The following GALNT2 variants were observed in gnomAD, a reference collection of about 807,000 sequenced individuals.
The protein encoded by GALNT2 is UDP-GalNAc:polypeptide N-acetylgalactosaminyltransferase 2.
Under a neutral mutation model 81.4 loss-of-function variants are expected in GALNT2, and 31 were observed. The ratio of observed to expected loss-of-function variants is 0.38; its 90% confidence interval spans 0.29 to 0.51. The LOEUF is 0.51. Among genes scored for constraint, GALNT2 ranks in the 20% least tolerant of loss-of-function variants. The pLI, the probability that GALNT2 is intolerant of heterozygous loss-of-function variation, is 0.87. For missense variants in GALNT2, 629 were observed against 765.7 expected, an observed-to-expected ratio of 0.82 and a Z score of 2.11; for synonymous variants, 303 against 287.4, an observed-to-expected ratio of 1.05 and a Z score of -0.55.
At position 230,250,451 on chromosome 1, in the gene GALNT2, C is replaced by G; in HGVS notation, c.906-6C>G. 3 of 1,612,828 alleles carry G rather than the reference C, an allele frequency of 1.9e-6. No homozygotes were observed. The highest frequency in any genetic ancestry group is 1.1e-5 in the South Asian group (1 of 90,950). On this transcript the variant is annotated splice_region_variant and splice_polypyrimidine_tract_variant and intron_variant, in intron 9 of 15. Transcript: ENST00000366672. Reference sequence around the variant, plus strand: ...TCCCTCCCCCCTCTTCTTTCTGCCTCTTTAGAACCCCCATGATTGCTGGTG... The same window carrying G: ...TCCCTCCCCCCTCTTCTTTCTGCCTGTTTAGAACCCCCATGATTGCTGGTG...
At chr1:230,174,171 A>G (rs76787671) in intron 1 of GALNT2, among the ~76,000 whole-genome samples, 3,315 of 152,280 alleles carry the variant, frequency 0.022, 120 homozygotes, top group African/African-American at 0.076. Context: ...ATCTTAGAGA[A>G]GTTAGACTCC....
At chr1:230,132,092 T>C (rs1661386340) in intron 1 of GALNT2, among the ~76,000 whole-genome samples, 1 of 152,200 alleles carries the variant, frequency 6.6e-6, no homozygotes, top group South Asian at 2.1e-4. Flanking sequence ...TCTTCTCTCT[T>C]CTTCCCCATG....
chr1:230,198,237 C>T (rs1261019679), intron 2 of GALNT2, among the ~76,000 whole-genome samples: 3 of 152,180 alleles, frequency 2.0e-5, no homozygotes, highest in African/African-American at 2.4e-5. Flanking sequence ...GCGGGCGAGG[C>T]TGAGTCTGTG....
At chr1:230,192,681 T>A (rs1159174178) in intron 2 of GALNT2, among the ~76,000 whole-genome samples, 1 of 152,262 alleles carries the variant, frequency 6.6e-6, no homozygotes, top group Non-Finnish European at 1.5e-5. Flanking sequence ...TATTTTTAGT[T>A]GTTTTGATAG....
At chr1:230,115,460 G>A (rs1054607890) in intron 1 of GALNT2, among the ~76,000 whole-genome samples, 4 of 152,200 alleles carry the variant, frequency 2.6e-5, no homozygotes, top group Admixed American at 2.6e-4. Context: ...CTGTATTGCC[G>A]TCTGTGAATA....
In GALNT2 at chr1:230,236,033, C is replaced by T. The variant is rs34322892; in HGVS notation, c.394C>T (p.Arg132Trp). 3.7e-5 allele frequency: 59 copies of T among 1,613,516 alleles called. No homozygotes were observed. The Middle Eastern group carries it at 5.0e-4, about 14-fold the overall frequency. The part of the protein sequence containing the change: ...RHDQCQRKQW[R>W]VDLPATSVVI... ...CTGCAGGTGTCAGCGGAAGCAGTGG[C>T]GGGTGGATCTGCCGGCCACCAGCGT... Residue 132 changes from arginine to tryptophan, a missense_variant, in exon 4 of 16, where the codon CGG becomes TGG. Coordinates refer to ENST00000366672, the MANE Select transcript of GALNT2 (RefSeq NM_004481.5).
intron 11 of GALNT2, 43 bp downstream of exon 11, chr1:230,255,387 T>C: frequency 4.3e-6 from 7 of 1,613,002 alleles, no homozygotes; most frequent in Non-Finnish European, 5.9e-6. Flanking sequence ...CATTGATGAC[T>C]ACCCTGAAAG....
intron 3 of GALNT2, among the ~76,000 whole-genome samples, chr1:230,235,338 T>A (rs1479263387): frequency 1.3e-5 from 2 of 151,518 alleles, no homozygotes; most frequent in Admixed American, 6.6e-5. Flanking sequence ...GGCCTCTGAA[T>A]CAGCTTCTGT....
At chr1:230,080,470 G>A (rs1659693586) in intron 1 of GALNT2, among the ~76,000 whole-genome samples, 1 of 152,182 alleles carries the variant, frequency 6.6e-6, no homozygotes, top group Non-Finnish European at 1.5e-5. Context: ...CCTGGTGCCA[G>A]CGGGAAGGTC....
intron 5 of GALNT2, 100 bp downstream of exon 5, chr1:230,236,520 C>A: frequency 7.0e-7 from 1 of 1,427,956 alleles, no homozygotes; most frequent in Non-Finnish European, 9.8e-7. Flanking sequence ...AGCCAGAAAT[C>A]AGATCCACAG....
At chr1:230,149,468 T>C (rs1044977467) in intron 1 of GALNT2, among the ~76,000 whole-genome samples, 10 of 152,180 alleles carry the variant, frequency 6.6e-5, no homozygotes, top group African/African-American at 2.2e-4. Context: ...AGGTCTGGCG[T>C]TGAGGGCAGC....
intron 1 of GALNT2, among the ~76,000 whole-genome samples, chr1:230,158,281 G>A (rs972137363): frequency 6.6e-6 from 1 of 152,222 alleles, no homozygotes; most frequent in African/African-American, 2.4e-5. Flanking sequence ...AGGAACTAGT[G>A]CAGTTCTCTA....
chr1:230,158,634 C>T (rs1027650795), intron 1 of GALNT2, among the ~76,000 whole-genome samples: 4 of 152,186 alleles, frequency 2.6e-5, no homozygotes, highest in African/African-American at 9.7e-5. Context: ...GGACAGAAGG[C>T]CTGGGGCTCT....
chr1:230,251,234 T>A (rs1373900732), intron 10 of GALNT2, among the ~76,000 whole-genome samples: 1 of 152,212 alleles, frequency 6.6e-6, no homozygotes, highest in Non-Finnish European at 1.5e-5. Flanking sequence ...TAAAGCCTTT[T>A]GTTTCAAATG....
intron 7 of GALNT2, 51 bp from the exon 8 acceptor site, chr1:230,246,012 G>T: frequency 6.7e-7 from 1 of 1,502,416 alleles, no homozygotes; most frequent in Non-Finnish European, 9.3e-7. Context: ...GGTTGGGCAG[G>T]TTTTTTGTTT....
intron 1 of GALNT2, among the ~76,000 whole-genome samples, chr1:230,158,138 A>G (rs930918745): frequency 2.0e-5 from 3 of 152,186 alleles, no homozygotes; most frequent in Admixed American, 2.0e-4. Context: ...TGAAAGGGAA[A>G]TGTTTGCATG....
chr1:230,255,610 TG>T (rs1306437811), intron 11 of GALNT2, among the ~76,000 whole-genome samples: 2 of 152,110 alleles, frequency 1.3e-5, no homozygotes, highest in African/African-American at 4.8e-5. Flanking sequence ...GCTTTAGGGA[TG>T]GGGCCAGACC....
At chr1:230,273,905 A>G (rs749028297) in intron 14 of GALNT2, among the ~76,000 whole-genome samples, 10 of 152,216 alleles carry the variant, frequency 6.6e-5, no homozygotes, top group African/African-American at 9.7e-5. Flanking sequence ...ATGAGCACCC[A>G]TAGATCAATT....
intron 1 of GALNT2, among the ~76,000 whole-genome samples, chr1:230,120,982 A>G (rs946374276): frequency 8.5e-5 from 13 of 152,220 alleles, no homozygotes; most frequent in Non-Finnish European, 1.8e-4. Flanking sequence ...TAGGACTCCT[A>G]ATCTTTCTCC....
Sources: allele counts gnomAD v4.1 joint callset (sites outside exome capture counted in the v4.1 genomes callset), GRCh38; gene constraint gnomAD v4.1.1; transcripts MANE v1.5; gene names NCBI Gene and HGNC (gene_info 2026-07-23, HGNC 2026-07-21).